The following INTS13 variants were observed in gnomAD, a reference collection of about 807,000 sequenced individuals.
The protein encoded by INTS13 is integrator complex subunit 13.
In INTS13, 35 loss-of-function variants were observed where a neutral mutation model predicts 90.2. The ratio of observed to expected loss-of-function variants is 0.39; its 90% CI spans 0.30 to 0.51. The LOEUF is 0.51. Among genes scored for constraint, INTS13 ranks in the 20% least tolerant of loss-of-function variants. INTS13 has a pLI of 0.80. For synonymous variants in INTS13, 309 were observed against 277.1 expected, an observed-to-expected ratio of 1.11 and a Z score of -1.14; for missense variants, 601 against 851.2, an observed-to-expected ratio of 0.71 and a Z score of 3.66.
intron 8 of INTS13, among the ~76,000 whole-genome samples, chr12:26,921,032 G>C (rs1032404427): frequency 6.6e-6 from 1 of 152,176 alleles, no homozygotes; most frequent in Non-Finnish European, 1.5e-5. Context: ...CTTTTAAAAT[G>C]ACCTTCAACA....
intron 12 of INTS13, 31 bp downstream of exon 12, chr12:26,914,377 A>G: frequency 1.3e-6 from 2 of 1,571,806 alleles, no homozygotes; most frequent in Non-Finnish European, 1.7e-6. Context: ...TAACTAATCT[A>G]TAAGAAAAGT....
intron 16 of INTS13, among the ~76,000 whole-genome samples, chr12:26,905,773 T>C (rs1951589775): frequency 6.6e-6 from 1 of 152,132 alleles, no homozygotes; most frequent in African/African-American, 2.4e-5. Flanking sequence ...AAGGCCACTG[T>C]TTTTTGTTTG....
Position 26,917,381 on chromosome 12 carries a change from G to GA in INTS13, c.1039dup (p.Ser347PhefsTer6). On this transcript the variant is annotated frameshift_variant, in exon 10 of 17. Coordinates refer to ENST00000261191, the MANE Select transcript of INTS13 (RefSeq NM_018164.3). LOFTEE classifies it high-confidence loss of function. The stretch of plus-strand genomic sequence containing the variant: ...TAGAAGAAAATTAGTAAGGCAGGAG[G>GA]AAGGTCTACTATTTACATCTACAGG... 1 of 1,539,272 alleles carries GA rather than the reference G, an allele frequency of 6.5e-7. No homozygotes were observed. The highest frequency in any genetic ancestry group is 8.8e-7 in the Non-Finnish European group (1 of 1,134,076).
At chr12:26,926,836 C>T (rs1295502572) in intron 5 of INTS13, among the ~76,000 whole-genome samples, 1 of 152,202 alleles carries the variant, frequency 6.6e-6, no homozygotes, top group East Asian at 1.9e-4. Flanking sequence ...CTGGACAGCT[C>T]CCCAATGGGG....
At chr12:26,923,802 C>A (rs1430777075) in intron 7 of INTS13, among the ~76,000 whole-genome samples, 1 of 152,114 alleles carries the variant, frequency 6.6e-6, no homozygotes, top group Non-Finnish European at 1.5e-5. Context: ...CACCTTTATA[C>A]TGGGTGGGCA....
intron 15 of INTS13, among the ~76,000 whole-genome samples, chr12:26,909,663 A>G (rs1951717858): frequency 6.6e-6 from 1 of 152,166 alleles, no homozygotes; most frequent in Non-Finnish European, 1.5e-5. Flanking sequence ...ATATTTTGTC[A>G]TATGAGAAAT....
intron 11 of INTS13, among the ~76,000 whole-genome samples, chr12:26,914,836 A>G (rs990721697): frequency 2.6e-5 from 4 of 152,186 alleles, no homozygotes; most frequent in Non-Finnish European, 4.4e-5. Flanking sequence ...GTAAAAACCA[A>G]GGAACACTTT....
intron 5 of INTS13, 76 bp downstream of exon 5, chr12:26,928,129 G>C: frequency 9.4e-7 from 1 of 1,069,220 alleles, no homozygotes; most frequent in Non-Finnish European, 1.4e-6. Flanking sequence ...AACGCTACCA[G>C]TCAAGTTATT....
intron 11 of INTS13, among the ~76,000 whole-genome samples, chr12:26,914,942 T>C: frequency 6.6e-6 from 1 of 152,088 alleles, no homozygotes; most frequent in Non-Finnish European, 1.5e-5. Flanking sequence ...AAAACTACCT[T>C]GAGGTTGGGC....
intron 15 of INTS13, among the ~76,000 whole-genome samples, chr12:26,909,315 C>T (rs1031750945): frequency 6.6e-6 from 1 of 152,108 alleles, no homozygotes; most frequent in Non-Finnish European, 1.5e-5. Flanking sequence ...GGGCTGAGAT[C>T]GTGCCATTGC....
rs1451069976 is a variant in INTS13, at chr12:26,914,475, T to G, written c.1352A>C (p.Gln451Pro). The G allele has an allele frequency of 6.2e-7, 1 of 1,614,000 alleles. No homozygotes were observed. ...CCAGTAACGGGTATGTTTTTCTAAC[T>G]GATCTTTTGCTCGTTCCAAAGGGAC... ...LEVPLERAKD[Q>P]LEKHTRYWPM... Residue 451 changes from glutamine to proline, a missense_variant, in exon 12 of 17, where the codon CAG becomes CCG. Gln to Pro is a moderately conservative substitution (Grantham distance 76). This residue lies in a region of INTS13 where 89 missense variants were observed against 191.0 expected (regional missense o/e 0.47). Coordinates refer to ENST00000261191, the MANE Select transcript of INTS13 (RefSeq NM_018164.3).
At position 26,911,214 on chromosome 12, in the gene INTS13, C is replaced by G; in HGVS notation, c.1909G>C (p.Glu637Gln). The G allele has an allele frequency of 6.2e-7, 1 of 1,613,844 alleles. No homozygotes were observed. Among genetic ancestry groups the G allele is most frequent in the Non-Finnish European group, 8.5e-7 (1 of 1,179,894 alleles). ...TCCACTTGTGGAGTTTCATCCATTT[C>G]AACAAGGGGTTTTTTGTTTGGAGGT... ...PEPPNKKPLV[E>Q]MDETPQVEKS... Residue 637 changes from glutamate to glutamine, a missense_variant, in exon 15 of 17, where the codon GAA becomes CAA. Coordinates refer to ENST00000261191, the MANE Select transcript of INTS13 (RefSeq NM_018164.3).
At chr12:26,930,695 T>C (rs974758066) in intron 3 of INTS13, among the ~76,000 whole-genome samples, 1 of 152,248 alleles carries the variant, frequency 6.6e-6, no homozygotes, top group Non-Finnish European at 1.5e-5. Flanking sequence ...AATTCCTTTA[T>C]GACTAGCATA....
At chr12:26,913,938 T>C (rs1183320304) in intron 13 of INTS13, 36 bp downstream of exon 13, 1 of 1,558,590 alleles carries the variant, frequency 6.4e-7, no homozygotes, top group Non-Finnish European at 8.7e-7. Flanking sequence ...ATCAAGTAAA[T>C]GTGATCTATA....
chr12:26,906,191 A>T, intron 16 of INTS13, 111 bp downstream of exon 16: 1 of 1,015,494 alleles, frequency 9.8e-7, no homozygotes, highest in Non-Finnish European at 1.4e-6. Context: ...AACATGTATT[A>T]GTTCATAATA....
chr12:26,921,241 A>G (rs546896582), intron 8 of INTS13, among the ~76,000 whole-genome samples: 8 of 152,366 alleles, frequency 5.3e-5, no homozygotes, highest in African/African-American at 1.9e-4. Context: ...TGCAGAAATC[A>G]GTTTGGGAGA....
intron 3 of INTS13, among the ~76,000 whole-genome samples, chr12:26,931,602 T>C (rs754813404): frequency 8.5e-5 from 13 of 152,314 alleles, no homozygotes; most frequent in Non-Finnish European, 1.8e-4. Context: ...TCTCATGTTG[T>C]TCACATTCAT....
intron 1 of INTS13, among the ~76,000 whole-genome samples, chr12:26,937,207 T>C (rs1174977706): frequency 1.3e-5 from 2 of 152,160 alleles, no homozygotes. Context: ...ATTAGTCACA[T>C]ATAAACCCCA....
intron 12 of INTS13, 41 bp downstream of exon 12, chr12:26,914,367 T>C (rs1431466827): frequency 6.5e-7 from 1 of 1,548,432 alleles, no homozygotes; most frequent in Non-Finnish European, 8.7e-7. Flanking sequence ...AAAGAATATA[T>C]AACTAATCTA....
Sources: allele counts gnomAD v4.1 joint callset (sites outside exome capture counted in the v4.1 genomes callset), GRCh38; gene constraint gnomAD v4.1.1; regional missense constraint gnomAD v4.1.1; transcripts MANE v1.5; gene names NCBI Gene and HGNC (gene_info 2026-07-23, HGNC 2026-07-21).